Variants in ADAMTS17 observed in about 807,000 individuals in gnomAD.
The protein encoded by ADAMTS17 is A disintegrin and metalloproteinase with thrombospondin motifs 17.
ADAMTS17 carries 113 observed loss-of-function variants against 141.5 expected under a neutral mutation model. The observed-to-expected ratio is 0.80, with a 90% CI of 0.69 to 0.93. ADAMTS17 has a LOEUF of 0.93. Ranked by LOEUF, ADAMTS17 falls within the 40% of genes least tolerant of loss-of-function variation. The pLI, the probability that ADAMTS17 is intolerant of heterozygous loss-of-function variation, is 0.00. For missense variants in ADAMTS17, 1,659 were observed against 1,517.9 expected (o/e 1.09, Z -1.54); for synonymous variants, 768 against 630.6 (o/e 1.22, Z -3.27).
At chr15:100,015,547 G>C (rs2061272491) in intron 18 of ADAMTS17, among the ~76,000 whole-genome samples, 1 of 152,188 alleles carries the variant, frequency 6.6e-6, no homozygotes, top group East Asian at 1.9e-4. Flanking sequence ...AGCAGTCCTT[G>C]TAGTGGTGGC....
chr15:100,183,776 G>C (rs1034660471), intron 8 of ADAMTS17, among the ~76,000 whole-genome samples: 2 of 152,156 alleles, frequency 1.3e-5, no homozygotes, highest in Non-Finnish European at 1.5e-5. Flanking sequence ...ACACTGTTTA[G>C]GTTTGCCAGG....
intron 14 of ADAMTS17, among the ~76,000 whole-genome samples, chr15:100,102,178 T>C (rs2036140052): frequency 6.6e-6 from 1 of 152,216 alleles, no homozygotes; most frequent in African/African-American, 2.4e-5. Context: ...TTTTTCTGTT[T>C]GTTTTTCTTG....
At chr15:100,341,800 G>T (rs2046375923) in intron 1 of ADAMTS17, 21 bp downstream of exon 1, 1 of 1,549,474 alleles carries the variant, frequency 6.5e-7, no homozygotes, top group African/African-American at 1.4e-5. Context: ...GGGTGAAGAG[G>T]GCTGTGGGAG....
chr15:100,332,223 T>G (rs1014591726), intron 2 of ADAMTS17, among the ~76,000 whole-genome samples: 1 of 152,226 alleles, frequency 6.6e-6, no homozygotes, highest in African/African-American at 2.4e-5. Context: ...GAGCACAGCT[T>G]TCCTCCCTCT....
chr15:100,058,445 T>G (rs933215010), intron 15 of ADAMTS17, among the ~76,000 whole-genome samples: 3 of 151,964 alleles, frequency 2.0e-5, no homozygotes, highest in Admixed American at 2.0e-4. Context: ...CGGGCCCTTT[T>G]TTTAAAGATG....
rs149161729 is a variant in ADAMTS17 at position 100,070,464 on chromosome 15, T to C, written c.2138-16410A>G. On this transcript the variant is annotated intron_variant, in intron 15 of 21. Coordinates refer to ENST00000268070, the MANE Select transcript of ADAMTS17 (RefSeq NM_139057.4). ...ATTCTTCTCAGCACCACACCACACT[T>C]ATTCCAAAATTGACCACTTAGTTGG... Among the ~76,000 whole-genome samples, 1,138 of 150,296 alleles carry C rather than the reference T, an allele frequency of 7.6e-3. 54 individuals carry two copies. The highest frequency in any genetic ancestry group is 0.027 in the African/African-American group (1,086 of 40,654).
Position 100,101,625 on chromosome 15 carries a change from C to T in ADAMTS17, c.2017-5149G>A, listed in dbSNP as rs376958491. ...AATTCTTTGTATTCTTGGCCTTCCC[C>T]CATCCTCTGACACACACAGTGGCTG... On this transcript the variant is annotated intron_variant, in intron 14 of 21. Transcript: ENST00000268070. Among the ~76,000 whole-genome samples, 3 of 152,308 alleles carry T rather than the reference C, an allele frequency of 2.0e-5. No individual in the cohort carries two copies. In the South Asian group the frequency reaches 6.2e-4, roughly 32 times the overall value.
At chr15:100,192,841 T>TC (rs1384040470) in intron 8 of ADAMTS17, among the ~76,000 whole-genome samples, 3 of 152,016 alleles carry the variant, frequency 2.0e-5, no homozygotes, top group Non-Finnish European at 2.9e-5. Context: ...TGGGAACATT[T>TC]CCCCCACATG....
rs1457418171 is a variant in ADAMTS17 at position 99,974,041 on chromosome 15, T to C, written c.*361A>G. 4 of 363,844 alleles carry C rather than the reference T, an allele frequency of 1.1e-5. No individual in the cohort carries two copies. The highest frequency in any genetic ancestry group is 6.3e-5 in the African/African-American group (3 of 47,454). The allele number at this position is 363,844 out of a possible 1,614,324, so 22.5% of individuals were successfully genotyped here. A position where few individuals can be genotyped will look rare whatever the true frequency, so the allele number is the denominator to read the frequency against. ...CGTTTTGGGGATGTTTCCTCCATGA[T>C]ATACCAAGCACTGGAAATTCAAATG... On this transcript the variant is annotated 3_prime_UTR_variant, in exon 22 of 22. Transcript: ENST00000268070.
At chr15:100,015,462 T>C (rs1441108088) in intron 18 of ADAMTS17, among the ~76,000 whole-genome samples, 3 of 152,224 alleles carry the variant, frequency 2.0e-5, no homozygotes, top group African/African-American at 7.2e-5. Flanking sequence ...TTAAAGGTCC[T>C]GTGTGATTTA....
chr15:100,168,270 G>C (rs2040027065), intron 8 of ADAMTS17: 1 of 152,264 alleles, frequency 6.6e-6, no homozygotes, highest in African/African-American at 2.4e-5. Flanking sequence ...TCTATCAGAA[G>C]ACCACGTGCA....
chr15:100,192,167 CA>C (rs2040943171), intron 8 of ADAMTS17, among the ~76,000 whole-genome samples: 1 of 152,206 alleles, frequency 6.6e-6, no homozygotes. Context: ...GGGCCAAGTG[CA>C]GAGGAAACGT....
chr15:100,182,301 G>A (rs2040552288), intron 8 of ADAMTS17, among the ~76,000 whole-genome samples: 1 of 152,166 alleles, frequency 6.6e-6, no homozygotes, highest in South Asian at 2.1e-4. Context: ...ATCAGATCTG[G>A]TGAGCACTCA....
chr15:100,268,604 G>A (rs1049510414), intron 4 of ADAMTS17, among the ~76,000 whole-genome samples: 17 of 152,284 alleles, frequency 1.1e-4, no homozygotes, highest in African/African-American at 4.1e-4. Flanking sequence ...TTTGAGAAGT[G>A]TCAGTTCATG....
At chr15:100,134,637 G>A (rs1267058226) in intron 10 of ADAMTS17, among the ~76,000 whole-genome samples, 1 of 152,196 alleles carries the variant, frequency 6.6e-6, no homozygotes, top group Non-Finnish European at 1.5e-5. Context: ...TAGAAGAGAC[G>A]CACAACTGTG....
At chr15:99,992,941 C>G in intron 20 of ADAMTS17, 107 bp downstream of exon 20, 1 of 1,426,528 alleles carries the variant, frequency 7.0e-7, no homozygotes, top group East Asian at 2.4e-5. Context: ...TGCCTAGTTA[C>G]GCTGGGACTG....
intron 7 of ADAMTS17, among the ~76,000 whole-genome samples, chr15:100,204,375 G>A (rs1355843750): frequency 6.6e-6 from 1 of 152,190 alleles, no homozygotes; most frequent in Non-Finnish European, 1.5e-5. Flanking sequence ...TTATTTCTGG[G>A]ACATCAAGCT....
intron 15 of ADAMTS17, among the ~76,000 whole-genome samples, chr15:100,077,788 T>C (rs7171824): frequency 0.99 from 150,808 of 152,316 alleles, 74,678 homozygotes; most frequent in East Asian, 1. Context: ...AAAAGAAATA[T>C]AAAGCATACA....
chr15:100,115,030 C>T (rs1349985290), intron 13 of ADAMTS17, among the ~76,000 whole-genome samples: 3 of 152,194 alleles, frequency 2.0e-5, no homozygotes, highest in African/African-American at 4.8e-5. Context: ...ATTTGAAGAG[C>T]GTGAGTCTGT....
Sources: gnomAD v4.1 joint callset for allele counts (sites outside exome capture counted in the v4.1 genomes callset) on GRCh38, gnomAD v4.1.1 for gene constraint, MANE v1.5 for transcripts, NCBI Gene and HGNC (gene_info 2026-07-23, HGNC 2026-07-21) for gene names.